The following MSMO1 variants were observed in gnomAD, a reference collection of about 807,000 sequenced individuals.
MSMO1 encodes the protein C-4 methylsterol oxidase.
MSMO1 carries 18 observed loss-of-function variants against 30.4 expected under a neutral mutation model. The observed-to-expected ratio is 0.59, with a 90% CI of 0.41 to 0.88. The LOEUF is 0.88. MSMO1 is among the 40% of genes least tolerant of loss of function. The pLI, the probability that MSMO1 is intolerant of heterozygous loss-of-function variation, is 0.00. For missense variants in MSMO1, 284 were observed against 340.5 expected, an observed-to-expected ratio of 0.83 and a Z score of 1.31; for synonymous variants, 84 against 107.9, an observed-to-expected ratio of 0.78 and a Z score of 1.37.
chr4:165,330,282 G>A (rs529919226), intron 1 of MSMO1, among the ~76,000 whole-genome samples: 1 of 152,164 alleles, frequency 6.6e-6, no homozygotes. Context: ...CCTACCTCAC[G>A]AAGGTGTGGT....
chr4:165,339,349 C>T (rs1170514389), intron 4 of MSMO1, among the ~76,000 whole-genome samples: 1 of 151,984 alleles, frequency 6.6e-6, no homozygotes, highest in Non-Finnish European at 1.5e-5. Flanking sequence ...GGTGATCCAC[C>T]CGCCTTGGAC....
At chr4:165,334,985 A>G (rs1460803211) in intron 2 of MSMO1, among the ~76,000 whole-genome samples, 1 of 152,098 alleles carries the variant, frequency 6.6e-6, no homozygotes, top group Non-Finnish European at 1.5e-5. Context: ...TTTCCTTGTC[A>G]TTATTCAAAA....
Position 165,338,784 on chromosome 4 carries a change from T to C in MSMO1, c.531+6T>C, listed in dbSNP as rs758055590. 47 of 1,578,264 alleles carry C rather than the reference T, an allele frequency of 3.0e-5. 1 individual carries two copies. The highest frequency in any genetic ancestry group is 3.7e-5 in the Non-Finnish European group (42 of 1,148,896). ...AAGTTCATCATGAGTTTCAGGTATG[T>C]GAGAGTTATATTTAATTCTTTCTGT... On this transcript the variant is annotated splice_donor_region_variant and intron_variant, in intron 4 of 5. Coordinates refer to ENST00000261507, the MANE Select transcript of MSMO1 (RefSeq NM_006745.5).
chr4:165,336,571 A>T (rs976165906), intron 2 of MSMO1, among the ~76,000 whole-genome samples: 2 of 152,160 alleles, frequency 1.3e-5, no homozygotes, highest in Non-Finnish European at 2.9e-5. Flanking sequence ...GCTGTAGGAG[A>T]CAGTACTATT....
chr4:165,338,309 TATATATATATATATATATATACACAC>T, intron 3 of MSMO1, among the ~76,000 whole-genome samples: 1 of 10,432 alleles, frequency 9.6e-5, no homozygotes, highest in African/African-American at 1.6e-3. Context: ...TGTATGTGTA[TATATATATATATATATATATACACAC>T]ATATATATAT....
Position 165,340,297 on chromosome 4 carries a change from T to C in MSMO1, c.608T>C (p.Ile203Thr), listed in dbSNP as rs73862306. ...LILGTGFFIG[I>T]VLLCDHVILL... ...CTTGGAACTGGATTTTTCATTGGAATCGTGCTTTTGTGTGATCATGTAATT... is the reference window on the plus strand; with the variant it reads ...CTTGGAACTGGATTTTTCATTGGAACCGTGCTTTTGTGTGATCATGTAATT... The change falls in exon 5 of 6, where the codon ATC becomes ACC. Residue 203 changes from isoleucine to threonine, a missense_variant. Ile to Thr is a moderately conservative substitution (Grantham distance 89). Transcript: ENST00000261507. The C allele has an allele frequency of 2.0e-4, 321 of 1,614,002 alleles. 1 individual carries two copies. The African/African-American group carries it at 3.8e-3, about 19-fold the overall frequency.
At position 165,333,491 on chromosome 4, in the gene MSMO1, T is replaced by C; in HGVS notation, c.121T>C (p.Leu41=). Residue 41 remains leucine (L), a synonymous_variant, in exon 2 of 6, where the codon TTG becomes CTG. Coordinates refer to ENST00000261507, the MANE Select transcript of MSMO1 (RefSeq NM_006745.5). ...EPFKNAWNYM[L]NNYTKFQIAT... ...ATTTAAAAATGCTTGGAACTATATG[T>C]TGAATAATTATACAAAGTTCCAGAT... 1 of 1,613,670 alleles carries C rather than the reference T, an allele frequency of 6.2e-7. No homozygotes were observed. Among genetic ancestry groups the C allele is most frequent in the Non-Finnish European group, 8.5e-7 (1 of 1,179,790 alleles).
At chr4:165,331,953 C>A (rs544384226) in intron 1 of MSMO1, among the ~76,000 whole-genome samples, 4,506 of 148,510 alleles carry the variant, frequency 0.03, 211 homozygotes, top group African/African-American at 0.11. Context: ...CCGTAACACT[C>A]TCCCCTACCC....
At position 165,333,486 on chromosome 4, in the gene MSMO1, A is replaced by G. The variant is rs753968338; in HGVS notation, c.116A>G (p.Tyr39Cys). 8 of 1,613,502 alleles carry G rather than the reference A, an allele frequency of 5.0e-6. No homozygotes were observed. The highest frequency in any genetic ancestry group is 4.2e-6 in the Non-Finnish European group (5 of 1,179,770). Residue 39 changes from tyrosine (Y) to cysteine (C), a missense_variant, in exon 2 of 6, where the codon TAT becomes TGT. Transcript: ENST00000261507. ...LQEPFKNAWN[Y>C]MLNNYTKFQI... ...GAACCATTTAAAAATGCTTGGAACTATATGTTGAATAATTATACAAAGTTC... is the reference window on the plus strand; with the variant it reads ...GAACCATTTAAAAATGCTTGGAACTGTATGTTGAATAATTATACAAAGTTC...
chr4:165,340,512 T>C, intron 5 of MSMO1, 137 bp downstream of exon 5: 1 of 755,916 alleles, frequency 1.3e-6, no homozygotes, highest in East Asian at 2.7e-5. Flanking sequence ...ACATAACTGT[T>C]GGATAAAAGT....
At chr4:165,340,075 TAACAACATCTAAAAAATACCTTCAC>T in intron 4 of MSMO1, 121 bp from the exon 5 acceptor site, 2 of 701,548 alleles carry the variant, frequency 2.9e-6, no homozygotes, top group South Asian at 3.5e-5. Context: ...ATTTAAATGT[TAACAACATCTAAAAAATACCTTCAC>T]AACAACATCT....
rs759977501 is a variant in MSMO1, at chr4:165,333,435, C to G, written c.65C>G (p.Ser22Ter). 6 of 1,612,026 alleles carry G rather than the reference C, an allele frequency of 3.7e-6. No homozygotes were observed. The highest frequency in any genetic ancestry group is 3.3e-5 in the Admixed American group (2 of 59,926). ...TCCTTGGCTGTGGAATATGTAGATT[C>G]ACTTTTACCTGAGAATCCTCTGCAA... ...SASLAVEYVDSLLPENPLQEP... is the reference protein window; with the variant it reads ...SASLAVEYVD Residue 22 changes from serine (S) to a stop codon, truncating the protein, a stop_gained, in exon 2 of 6, where the codon TCA becomes TGA. Transcript: ENST00000261507. LOFTEE classifies it high-confidence loss of function.
At position 165,337,794 on chromosome 4, in the gene MSMO1, G is replaced by T. The variant is rs983803701; in HGVS notation, c.261G>T (p.Lys87Asn). The T allele has an allele frequency of 1.9e-6, 3 of 1,613,586 alleles. No homozygotes were observed. Among genetic ancestry groups the T allele is most frequent in the Admixed American group, 3.3e-5 (2 of 60,012 alleles). The part of the protein sequence containing the change: ...YMKKYKIQKD[K>N]PETWENQWKC... The stretch of plus-strand genomic sequence containing the variant: ...ATTGTGATTTTTCTTCGTAGGATAA[G>T]CCAGAGACATGGGAAAACCAATGGA... The change falls in exon 3 of 6, where the codon AAG becomes AAT. Residue 87 changes from lysine (K) to asparagine (N), a missense_variant. Physicochemically the swap from Lys to Asn is moderately conservative, Grantham distance 94. Coordinates refer to ENST00000261507, the MANE Select transcript of MSMO1 (RefSeq NM_006745.5).
chr4:165,329,783 C>T (rs1489842917), intron 1 of MSMO1, among the ~76,000 whole-genome samples: 2 of 151,880 alleles, frequency 1.3e-5, no homozygotes, highest in South Asian at 2.1e-4. Context: ...TACAGGCATA[C>T]GCCACCACAC....
At chr4:165,339,095 G>GTTTTTTT (rs1747642659) in intron 4 of MSMO1, among the ~76,000 whole-genome samples, 10 of 36,260 alleles carry the variant, frequency 2.8e-4, no homozygotes, top group East Asian at 1.4e-3. Context: ...TATGAGCACT[G>GTTTTTTT]CTTTTTTTTT....
At chr4:165,338,544 A>AGTGG (rs1747624976) in intron 3 of MSMO1, 108 bp from the exon 4 acceptor site, 1 of 911,834 alleles carries the variant, frequency 1.1e-6, no homozygotes, top group Admixed American at 2.0e-5. Context: ...CAACCTGGTA[A>AGTGG]GTGGGTGGGT....
At chr4:165,333,262 C>G in intron 1 of MSMO1, 78 bp from the exon 2 acceptor site, 1 of 1,179,110 alleles carries the variant, frequency 8.5e-7, no homozygotes, top group South Asian at 1.5e-5. Flanking sequence ...TTAAAATGAT[C>G]AGAGGATGCA....
chr4:165,336,635 G>T (rs1360783201), intron 2 of MSMO1, among the ~76,000 whole-genome samples: 1 of 152,182 alleles, frequency 6.6e-6, no homozygotes, highest in Non-Finnish European at 1.5e-5. Flanking sequence ...CAGAGTGGAG[G>T]TTTAGAGGAG....
intron 3 of MSMO1, 57 bp downstream of exon 3, chr4:165,337,994 T>TA: frequency 2.0e-6 from 3 of 1,471,378 alleles, no homozygotes; most frequent in Non-Finnish European, 2.8e-6. Flanking sequence ...AGTTAAGTTA[T>TA]ACTTAATGTT....
Sources: allele counts gnomAD v4.1 joint callset (sites outside exome capture counted in the v4.1 genomes callset), GRCh38; gene constraint gnomAD v4.1.1; transcripts MANE v1.5; gene names NCBI Gene and HGNC (gene_info 2026-07-23, HGNC 2026-07-21).